The following TRAPPC9 variants were observed in gnomAD, a reference collection of about 807,000 sequenced individuals.
TRAPPC9 encodes the protein IKK2 binding protein.
A neutral mutation model predicts 124.0 loss-of-function variants in TRAPPC9; 83 were observed. The ratio of observed to expected loss-of-function variants is 0.67; its 90% confidence interval spans 0.56 to 0.80. The LOEUF (loss-of-function observed/expected upper bound fraction) is 0.80, where lower values mean the gene tolerates loss of function less well. TRAPPC9 is among the 30% of genes least tolerant of loss of function. TRAPPC9 has a pLI of 0.00. For missense variants in TRAPPC9, 1,302 were observed against 1,508.3 expected (o/e 0.86, Z 2.27); for synonymous variants, 638 against 617.5 (o/e 1.03, Z -0.49).
intron 17 of TRAPPC9, among the ~76,000 whole-genome samples, chr8:140,085,708 C>A (rs1472779074): frequency 1.3e-5 from 2 of 152,182 alleles, no homozygotes; most frequent in African/African-American, 4.8e-5. Flanking sequence ...TGGACGGCAG[C>A]AGCCTGCTGA....
intron 17 of TRAPPC9, among the ~76,000 whole-genome samples, chr8:140,145,214 T>G (rs1302819996): frequency 6.6e-6 from 1 of 152,096 alleles, no homozygotes; most frequent in Non-Finnish European, 1.5e-5. Flanking sequence ...TAGATTGTCT[T>G]GAATTTTCCA....
At chr8:140,040,362 G>C (rs1035726497) in intron 17 of TRAPPC9, 1 of 152,210 alleles carries the variant, frequency 6.6e-6, no homozygotes, top group Non-Finnish European at 1.5e-5. Flanking sequence ...CAGTGGTCAA[G>C]TGGCAAGGTC....
rs527973444 is a variant in TRAPPC9 at position 139,776,893 on chromosome 8, A to G, written c.3056-44691T>C. Among the ~76,000 whole-genome samples the G allele has an allele frequency of 1.3e-4, 20 of 152,290 alleles. No individual in the cohort carries two copies. In the South Asian group the frequency reaches 1.7e-3, roughly 13 times the overall value. ...CAACATGGTTACTTTCGCCTAAACC[A>G]CCAATTGATGACGTGGGGGCTGTGC... On this transcript the variant is annotated intron_variant, in intron 21 of 22. Coordinates refer to ENST00000438773, the MANE Select transcript of TRAPPC9 (RefSeq NM_001160372.4). This position sits in a 1 kb window ranked among gnomAD's most constrained non-coding sequence, Gnocchi z 4.1.
chr8:140,302,242 G>A (rs571048288), intron 10 of TRAPPC9, among the ~76,000 whole-genome samples: 8 of 152,240 alleles, frequency 5.3e-5, no homozygotes, highest in Admixed American at 1.3e-4. Flanking sequence ...AGTGACTCAC[G>A]GCAGGAGATG....
At chr8:139,954,675 T>C (rs1213656497) in intron 19 of TRAPPC9, among the ~76,000 whole-genome samples, 12 of 152,364 alleles carry the variant, frequency 7.9e-5, no homozygotes, top group African/African-American at 2.4e-5. Flanking sequence ...TTTGTGTCTT[T>C]GGCTGCTTGT....
intron 21 of TRAPPC9, among the ~76,000 whole-genome samples, chr8:139,756,936 G>A (rs1819860816): frequency 2.1e-5 from 3 of 140,252 alleles, no homozygotes; most frequent in African/African-American, 8.0e-5. Context: ...GAGGAGCCAG[G>A]GTTGGGGTAT....
intron 18 of TRAPPC9, among the ~76,000 whole-genome samples, chr8:140,011,501 C>CTTTTTT (rs916485762): frequency 1.7e-5 from 2 of 114,648 alleles, no homozygotes; most frequent in African/African-American, 8.6e-5. Context: ...AGAAGGCATA[C>CTTTTTT]TTTTTTTTTT....
chr8:139,966,122 C>T (rs1835690158), intron 19 of TRAPPC9, among the ~76,000 whole-genome samples: 1 of 152,208 alleles, frequency 6.6e-6, no homozygotes, highest in African/African-American at 2.4e-5. Context: ...AAGCGAGTCA[C>T]AGTATGAGAG....
intron 10 of TRAPPC9, among the ~76,000 whole-genome samples, chr8:140,301,885 C>T (rs1219091688): frequency 2.6e-5 from 4 of 152,192 alleles, no homozygotes; most frequent in Non-Finnish European, 4.4e-5. Context: ...CAGACAGATG[C>T]GGCCTGGAGC....
At chr8:139,962,732 C>G (rs1382601737) in intron 19 of TRAPPC9, among the ~76,000 whole-genome samples, 3 of 124,174 alleles carry the variant, frequency 2.4e-5, no homozygotes, top group South Asian at 2.8e-4. Flanking sequence ...AAGAACCCAC[C>G]AGAGCTCCCT....
intron 17 of TRAPPC9, among the ~76,000 whole-genome samples, chr8:140,171,994 C>G (rs1171168516): frequency 6.6e-6 from 1 of 152,184 alleles, no homozygotes; most frequent in East Asian, 1.9e-4. Flanking sequence ...GCCGCAGGTA[C>G]TCTGAGCCAG....
intron 17 of TRAPPC9, among the ~76,000 whole-genome samples, chr8:140,117,389 G>C (rs111877000): frequency 0.011 from 1,619 of 152,270 alleles, 21 homozygotes; most frequent in African/African-American, 0.035. Flanking sequence ...CTGGAGGCTG[G>C]GAAGTCCAAG....
At chr8:140,240,449 C>T (rs2063833464) in intron 16 of TRAPPC9, among the ~76,000 whole-genome samples, 1 of 152,214 alleles carries the variant, frequency 6.6e-6, no homozygotes, top group Non-Finnish European at 1.5e-5. Context: ...TCGCCTCTTG[C>T]TCTCCAGCTC....
intron 21 of TRAPPC9, among the ~76,000 whole-genome samples, chr8:139,862,365 G>T (rs971126333): frequency 6.6e-6 from 1 of 152,258 alleles, no homozygotes; most frequent in South Asian, 2.1e-4. Context: ...AGAGAGCAAA[G>T]GTTACTCAGC....
rs576499244 is a variant in TRAPPC9, at chr8:140,433,837, G to T, written c.859+1275C>A. Among the ~76,000 whole-genome samples the T allele has an allele frequency of 2.0e-5, 3 of 152,252 alleles. No individual in the cohort carries two copies. The East Asian group carries it at 5.8e-4, about 29-fold the overall frequency. On this transcript the variant is annotated intron_variant, in intron 4 of 22. Transcript: ENST00000438773. The stretch of plus-strand genomic sequence containing the variant: ...CAGACTTCCTACAACTACATTGAAA[G>T]GAAAACCCTAACTTTCCATGACTAA...
intron 19 of TRAPPC9, among the ~76,000 whole-genome samples, chr8:139,926,204 T>G (rs1832807195): frequency 6.6e-6 from 1 of 152,134 alleles, no homozygotes; most frequent in Admixed American, 6.5e-5. Flanking sequence ...GAGGTGAGCT[T>G]GAGGAGCTGA....
chr8:139,935,338 C>A (rs1563934088), intron 19 of TRAPPC9, among the ~76,000 whole-genome samples: 1 of 152,216 alleles, frequency 6.6e-6, no homozygotes, highest in Non-Finnish European at 1.5e-5. Context: ...TACAGGGTGA[C>A]CTGCCAGCTC....
chr8:140,179,726 G>T (rs1282780446), intron 17 of TRAPPC9, among the ~76,000 whole-genome samples: 2 of 152,062 alleles, frequency 1.3e-5, no homozygotes, highest in East Asian at 3.9e-4. Flanking sequence ...TCAGCTATTT[G>T]CTTCATGCAT....
intron 6 of TRAPPC9, among the ~76,000 whole-genome samples, chr8:140,404,906 A>ATGTGTGTGTGTGTGTGTG (rs1312577613): frequency 6.7e-5 from 4 of 59,648 alleles, no homozygotes; most frequent in South Asian, 6.9e-4. Flanking sequence ...GTGTGTGAGC[A>ATGTGTGTGTGTGTGTGTG]TGCGTGTGTG....
Sources: gnomAD v4.1 joint callset for allele counts (sites outside exome capture counted in the v4.1 genomes callset) on GRCh38, gnomAD v4.1.1 for gene constraint, Gnocchi (gnomAD v3.1) non-coding constraint, MANE v1.5 for transcripts, NCBI Gene and HGNC (gene_info 2026-07-23, HGNC 2026-07-21) for gene names.